NUP214: variants seen among roughly 807,000 people sequenced by gnomAD.
The protein encoded by NUP214 is nucleoporin 214, also known as nuclear pore complex protein Nup214.
A neutral mutation model predicts 196.2 loss-of-function variants in NUP214; 79 were observed. The ratio of observed to expected loss-of-function variants is 0.40; its 90% CI spans 0.34 to 0.49. The LOEUF is 0.49. Ranked by LOEUF, NUP214 falls within the 20% of genes least tolerant of loss-of-function variation. NUP214 has a pLI of 0.58. For missense variants in NUP214, 2,468 were observed against 2,539.0 expected, an observed-to-expected ratio of 0.97 and a Z score of 0.60; for synonymous variants, 1,020 against 990.5, an observed-to-expected ratio of 1.03 and a Z score of -0.56.
intron 12 of NUP214, among the ~76,000 whole-genome samples, chr9:131,145,329 C>T (rs1224088807): frequency 6.6e-6 from 1 of 152,112 alleles, no homozygotes; most frequent in Non-Finnish European, 1.5e-5. Flanking sequence ...TTGTTCTTTT[C>T]TTCCCACTAG....
intron 18 of NUP214, among the ~76,000 whole-genome samples, chr9:131,160,138 A>G (rs1427361684): frequency 6.6e-6 from 1 of 152,086 alleles, no homozygotes; most frequent in Non-Finnish European, 1.5e-5. Flanking sequence ...TATTTAATAT[A>G]TTGAATACAT....
chr9:131,128,589 C>A, intron 3 of NUP214, 106 bp downstream of exon 3: 2 of 978,152 alleles, frequency 2.0e-6, no homozygotes, highest in Non-Finnish European at 2.9e-6. Context: ...AAGTTTCTCT[C>A]TAGATTAAAA....
intron 14 of NUP214, among the ~76,000 whole-genome samples, chr9:131,148,706 T>C (rs976117885): frequency 1.3e-5 from 2 of 152,224 alleles, no homozygotes; most frequent in African/African-American, 4.8e-5. Flanking sequence ...ATGTTGTGTC[T>C]GTTCATGTCT....
At chr9:131,183,349 T>G (rs1281991573) in intron 24 of NUP214, among the ~76,000 whole-genome samples, 1 of 152,220 alleles carries the variant, frequency 6.6e-6, no homozygotes, top group African/African-American at 2.4e-5. Context: ...CCTCCCAAAG[T>G]GCTGGGATTA....
chr9:131,130,885 T>C, intron 5 of NUP214, 49 bp downstream of exon 5: 1 of 1,491,072 alleles, frequency 6.7e-7, no homozygotes, highest in Non-Finnish European at 9.3e-7. Flanking sequence ...TGCCCACTTT[T>C]TTGGGGGTGG....
In NUP214 at chr9:131,144,360, C is replaced by G; in HGVS notation, c.1375C>G (p.Pro459Ala). 6.2e-7 allele frequency: 1 copy of G among 1,614,184 alleles called. No homozygotes were observed. The highest frequency in any genetic ancestry group is 8.5e-7 in the Non-Finnish European group (1 of 1,180,032). ...TGCAGCTGCAGCCCCTGCCTCTCTG[C>G]CACCTTCATCACCTGCTGCTCCCAT... ...ASAAAAPASL[P>A]PSSPAAPIAT... The change falls in exon 12 of 36, where the codon CCA becomes GCA. Residue 459 changes from proline to alanine, a missense_variant. Pro to Ala is a conservative substitution (Grantham distance 27). Around this residue, in one of 5 missense-constraint regions of NUP214, gnomAD observed 1,801 missense variants for 1,779.4 expected, o/e 1.01. Transcript: ENST00000359428.
At chr9:131,175,865 G>T in intron 23 of NUP214, 1 of 480,878 alleles carries the variant, frequency 2.1e-6, no homozygotes, top group Non-Finnish European at 3.4e-6. Context: ...AAATCAGTGG[G>T]GTTTGTTTTT....
chr9:131,214,153 G>A (rs944824342), intron 30 of NUP214, among the ~76,000 whole-genome samples: 1 of 152,098 alleles, frequency 6.6e-6, no homozygotes, highest in Non-Finnish European at 1.5e-5. Context: ...GGGGGTGGGG[G>A]GCATTTCAGA....
chr9:131,190,320 C>A, intron 26 of NUP214: 2 of 553,052 alleles, frequency 3.6e-6, no homozygotes, highest in East Asian at 3.2e-5. Context: ...AGGTTTTTGT[C>A]ACTCTTGGAG....
At chr9:131,189,896 C>G (rs1488513422) in intron 26 of NUP214, 1 of 153,338 alleles carries the variant, frequency 6.5e-6, no homozygotes, top group Non-Finnish European at 1.5e-5. Context: ...ACTGTTGATT[C>G]TGGCATTTGT....
chr9:131,159,812 G>A lies in NUP214; in HGVS notation c.2540+326G>A, dbSNP rs930888166. ...GCGGAGGTTGCAGTGAGCTGAGATC[G>A]TGCCACTGCCCTCCAGCCTGGGCAA... On this transcript the variant is annotated intron_variant, in intron 18 of 35. Transcript: ENST00000359428. Among the ~76,000 whole-genome samples the A allele has an allele frequency of 5.3e-5, 8 of 151,544 alleles. No homozygotes were observed. The East Asian group carries it at 7.8e-4, about 15-fold the overall frequency.
intron 21 of NUP214, chr9:131,164,591 TCC>T (rs1179218422): frequency 6.4e-6 from 1 of 155,634 alleles, no homozygotes; most frequent in Admixed American, 6.3e-5. Flanking sequence ...AGACGAGGTC[TCC>T]CCATGTTGCC....
intron 23 of NUP214, 33 bp downstream of exon 23, chr9:131,175,654 CTGAT>C: frequency 6.2e-7 from 1 of 1,603,496 alleles, no homozygotes; most frequent in South Asian, 1.1e-5. Context: ...TGTACAGAGG[CTGAT>C]TATGAGCTGT....
chr9:131,215,504 G>T, intron 31 of NUP214, 136 bp downstream of exon 31: 1 of 977,302 alleles, frequency 1.0e-6, no homozygotes, highest in South Asian at 2.6e-5. Flanking sequence ...CTTCCCCAAA[G>T]CAGTGTGATC....
intron 18 of NUP214, among the ~76,000 whole-genome samples, chr9:131,160,884 T>C (rs1224845956): frequency 6.6e-6 from 1 of 152,170 alleles, no homozygotes; most frequent in Non-Finnish European, 1.5e-5. Flanking sequence ...ACTGGAGCAC[T>C]TGTCTCCATG....
chr9:131,209,012 CAAA>C (rs1176709360), intron 30 of NUP214, among the ~76,000 whole-genome samples: 1 of 151,872 alleles, frequency 6.6e-6, no homozygotes, highest in African/African-American at 2.4e-5. Flanking sequence ...GACTCCATCT[CAAA>C]AAAATAAATA....
At chr9:131,211,894 G>A (rs1287265973) in intron 30 of NUP214, among the ~76,000 whole-genome samples, 3 of 152,222 alleles carry the variant, frequency 2.0e-5, no homozygotes, top group Non-Finnish European at 4.4e-5. Flanking sequence ...AAAAGGAACA[G>A]GATGGCTGCG....
At chr9:131,229,663 G>A (rs1436848842) in intron 33 of NUP214, 1 of 507,190 alleles carries the variant, frequency 2.0e-6, no homozygotes, top group Admixed American at 2.1e-5. Context: ...CTTCTTCCAG[G>A]TCCCTGGCCA....
At chr9:131,131,087 CTT>C (rs1054177669) in intron 5 of NUP214, among the ~76,000 whole-genome samples, 1 of 151,820 alleles carries the variant, frequency 6.6e-6, no homozygotes, top group South Asian at 2.1e-4. Context: ...TGGGTAGCTG[CTT>C]TTTTTTTGTT....
Sources: allele counts gnomAD v4.1 joint callset (sites outside exome capture counted in the v4.1 genomes callset), GRCh38; gene constraint gnomAD v4.1.1; regional missense constraint gnomAD v4.1.1; transcripts MANE v1.5; gene names NCBI Gene and HGNC (gene_info 2026-07-23, HGNC 2026-07-21).